Variants in AGO3 observed in about 807,000 individuals in gnomAD.
AGO3 encodes argonaute RISC catalytic component 3.
AGO3 carries 16 observed loss-of-function variants against 105.5 expected under a neutral mutation model. The observed-to-expected ratio is 0.15, with a 90% CI of 0.10 to 0.23. The LOEUF is 0.23. Among genes scored for constraint, AGO3 ranks in the 10% least tolerant of loss-of-function variants. AGO3 has a pLI of 1.00. For synonymous variants in AGO3, 340 were observed against 367.3 expected (o/e 0.93, Z 0.85); for missense variants, 534 against 1,088.0 (o/e 0.49, Z 7.16).
chr1:35,986,448 G>GCC (rs1647182355), intron 5 of AGO3, among the ~76,000 whole-genome samples: 1 of 152,156 alleles, frequency 6.6e-6, no homozygotes, highest in African/African-American at 2.4e-5. Flanking sequence ...CAGCACTTTG[G>GCC]GAGGCAGAGG....
intron 12 of AGO3, among the ~76,000 whole-genome samples, chr1:36,028,058 A>T (rs1641587854): frequency 6.6e-6 from 1 of 151,806 alleles, no homozygotes; most frequent in South Asian, 2.1e-4. Context: ...GTGTGTATGT[A>T]TGGGATAGGA....
intron 3 of AGO3, among the ~76,000 whole-genome samples, chr1:35,967,323 T>G (rs1182438801): frequency 2.0e-5 from 3 of 152,172 alleles, no homozygotes; most frequent in Non-Finnish European, 2.9e-5. Flanking sequence ...ATTTTTTTTC[T>G]TTCTCTCTTG....
intron 2 of AGO3, among the ~76,000 whole-genome samples, chr1:35,960,671 A>G (rs1646656944): frequency 6.6e-6 from 1 of 152,080 alleles, no homozygotes; most frequent in Non-Finnish European, 1.5e-5. Context: ...ATATGAATTA[A>G]TTGTGTCATA....
chr1:36,039,835 G>A lies in AGO3; in HGVS notation c.1888G>A (p.Val630Ile). 6.2e-7 allele frequency: 1 copy of A among 1,613,108 alleles called. No individual in the cohort carries two copies. Among genetic ancestry groups the A allele is most frequent in the Non-Finnish European group, 8.5e-7 (1 of 1,179,592 alleles). ...ACACCCAAGCAGATACTGTGCCACA[G>A]TAAGAGTTCAGAGACCCCGACAGGA... ...DAHPSRYCAT[V>I]RVQRPRQEII... The change falls in exon 15 of 19, where the codon GTA becomes ATA. Residue 630 changes from valine to isoleucine, a missense_variant. This residue lies in a region of AGO3 where 373 missense variants were observed against 854.0 expected (regional missense o/e 0.44). Transcript: ENST00000373191.
upstream of AGO3, chr1:35,930,887 G>T: frequency 4.1e-6 from 1 of 242,552 alleles, no homozygotes; most frequent in Non-Finnish European, 7.8e-6. Flanking sequence ...GAGTAGTCCT[G>T]CCCCTCCGCG....
At position 36,066,526 on chromosome 1, in the gene AGO3, C is replaced by A. The variant is rs1313648733; in HGVS notation, c.*10781C>A. The A allele has an allele frequency of 6.6e-6, 1 of 152,224 alleles. No individual in the cohort carries two copies. The highest frequency in any genetic ancestry group is 2.4e-5 in the African/African-American group (1 of 41,452). The allele number at this position is 152,224 out of a possible 1,614,324, so 9.4% of individuals were successfully genotyped here. A position where few individuals can be genotyped will look rare whatever the true frequency, so the allele number is the denominator to read the frequency against. On this transcript the variant is annotated 3_prime_UTR_variant, in exon 19 of 19. Transcript: ENST00000373191. ...AGTGAGCCGAGATCATGCCACTGCACTCCAGCCTGGGCGACAAGAGTGAAA... is the reference window on the plus strand; with the variant it reads ...AGTGAGCCGAGATCATGCCACTGCAATCCAGCCTGGGCGACAAGAGTGAAA...
At chr1:36,031,815 G>A (rs527468183) in intron 12 of AGO3, among the ~76,000 whole-genome samples, 3 of 151,004 alleles carry the variant, frequency 2.0e-5, no homozygotes, top group African/African-American at 7.3e-5. Context: ...ATATCCTCAA[G>A]GTTCATCCAT....
At position 36,058,096 on chromosome 1, in the gene AGO3, G is replaced by T. The variant is rs920545838; in HGVS notation, c.*2351G>T. The T allele has an allele frequency of 6.6e-6, 1 of 152,142 alleles. No homozygotes were observed. Among genetic ancestry groups the T allele is most frequent in the Non-Finnish European group, 1.5e-5 (1 of 68,020 alleles). The allele number at this position is 152,142 out of a possible 1,614,324, so 9.4% of individuals were successfully genotyped here. A position where few individuals can be genotyped will look rare whatever the true frequency, so the allele number is the denominator to read the frequency against. Reference sequence around the variant, plus strand: ...ATAGCTTAACATATTTAAATTATTTGCAAATAGATTGTGTTTATTGAAGAA... The same window carrying T: ...ATAGCTTAACATATTTAAATTATTTTCAAATAGATTGTGTTTATTGAAGAA... On this transcript the variant is annotated 3_prime_UTR_variant, in exon 19 of 19. Coordinates refer to ENST00000373191, the MANE Select transcript of AGO3 (RefSeq NM_024852.4).
At chr1:35,937,980 CT>C (rs1252491042) in intron 1 of AGO3, among the ~76,000 whole-genome samples, 2,402 of 133,148 alleles carry the variant, frequency 0.018, 30 homozygotes, top group African/African-American at 0.053. Context: ...AAAATGTATT[CT>C]TTTTTTTTTT....
intron 1 of AGO3, among the ~76,000 whole-genome samples, chr1:35,936,255 TA>T (rs748191713): frequency 4.6e-4 from 67 of 144,808 alleles, no homozygotes; most frequent in Admixed American, 2.8e-4. Context: ...AGCCACTGCT[TA>T]AAAAAAAAAA....
In AGO3 at chr1:36,055,633, A is replaced by G; in HGVS notation, c.2475-4A>G. On this transcript the variant is annotated splice_polypyrimidine_tract_variant and splice_region_variant and intron_variant, in intron 18 of 18. Transcript: ENST00000373191. This position sits in a 1 kb window ranked among gnomAD's most constrained non-coding sequence, Gnocchi z 4.4. ...TTTTGTGTTCATTGCCACTTCTCTT[A>G]CAGTGCTGAAGGAAGTCACGTTTCA... 1 of 1,613,772 alleles carries G rather than the reference A, an allele frequency of 6.2e-7. No individual in the cohort carries two copies. Among genetic ancestry groups the G allele is most frequent in the Non-Finnish European group, 8.5e-7 (1 of 1,179,676 alleles).
rs1200055492 is a variant in AGO3 at position 35,976,679 on chromosome 1, T to A, written c.658+3168T>A. On this transcript the variant is annotated intron_variant, in intron 5 of 18. Coordinates refer to ENST00000373191, the MANE Select transcript of AGO3 (RefSeq NM_024852.4). Reference sequence around the variant, plus strand: ...AATTTTGTCAGATGCCTTTTCAGCATCTATGGAGCTGATGATGTGATATTT... The same window carrying A: ...AATTTTGTCAGATGCCTTTTCAGCAACTATGGAGCTGATGATGTGATATTT... Among the ~76,000 whole-genome samples the A allele has an allele frequency of 2.6e-5, 4 of 152,222 alleles. No individual in the cohort carries two copies. The South Asian group carries it at 8.3e-4, about 31-fold the overall frequency.
At position 35,931,321 on chromosome 1, in the gene AGO3, C is replaced by A. The variant is rs1646042229; in HGVS notation, c.-106C>A. ...GCCGTCGCCGCCCCCGCCTCGGGGC[C>A]GAGTGAGAGTGCCCGTCGCGTCGCG... On this transcript the variant is annotated 5_prime_UTR_variant, in exon 1 of 19. Coordinates refer to ENST00000373191, the MANE Select transcript of AGO3 (RefSeq NM_024852.4). The A allele has an allele frequency of 6.3e-6, 7 of 1,102,474 alleles. No individual in the cohort carries two copies. The highest frequency in any genetic ancestry group is 8.4e-5 in the Admixed American group (2 of 23,858). The allele number at this position is 1,102,474 out of a possible 1,614,324, so 68.3% of individuals were successfully genotyped here.
At position 35,993,738 on chromosome 1, in the gene AGO3, C is replaced by CTTTTTTT. The variant is rs141978570; in HGVS notation, c.659-10583_659-10577dup. On this transcript the variant is annotated intron_variant, in intron 5 of 18. Coordinates refer to ENST00000373191, the MANE Select transcript of AGO3 (RefSeq NM_024852.4). ...AGGCTTCCCCAACCACCACCCCCTG[C>CTTTTTTT]TTTTTTTTTTTTTTTTTTTTTTTTT... 2.2e-3 allele frequency among the ~76,000 whole-genome samples: 199 copies of CTTTTTTT among 90,774 alleles called. 3 individuals carry two copies. The highest frequency in any genetic ancestry group is 9.7e-3 in the African/African-American group (193 of 19,844). 59.6% of individuals were successfully genotyped at this position (90,774 alleles called of 152,430 possible).
intron 5 of AGO3, among the ~76,000 whole-genome samples, chr1:35,979,789 C>A (rs1218394395): frequency 6.6e-6 from 1 of 151,928 alleles, no homozygotes; most frequent in African/African-American, 2.4e-5. Flanking sequence ...GCACTTCATG[C>A]TTTTGTGAAC....
At chr1:36,051,051 G>A (rs749349688) in intron 17 of AGO3, among the ~76,000 whole-genome samples, 8 of 152,126 alleles carry the variant, frequency 5.3e-5, no homozygotes, top group Middle Eastern at 3.4e-3. Flanking sequence ...CTGAGTTTAA[G>A]CAGTCCACCT....
chr1:36,020,894 G>A (rs554705503), intron 11 of AGO3, among the ~76,000 whole-genome samples: 1 of 152,028 alleles, frequency 6.6e-6, no homozygotes, highest in African/African-American at 2.4e-5. Context: ...TGGGATTACA[G>A]GGGTGAGCCA....
In AGO3 at chr1:36,066,314, A is replaced by C. The variant is rs999229216; in HGVS notation, c.*10569A>C. ...GGTGGCTCACACCTGTAATCCCAGC[A>C]CTTCGGGAGGCCGAGGCAGGCTGAT... is the stretch of plus-strand genomic sequence containing the variant. On this transcript the variant is annotated 3_prime_UTR_variant, in exon 19 of 19. Transcript: ENST00000373191. 2 of 152,350 alleles carry C rather than the reference A, an allele frequency of 1.3e-5. No homozygotes were observed. Among genetic ancestry groups the C allele is most frequent in the Non-Finnish European group, 2.9e-5 (2 of 68,092 alleles). The allele number at this position is 152,350 out of a possible 1,614,324, so 9.4% of individuals were successfully genotyped here. A position where few individuals can be genotyped will look rare whatever the true frequency, so the allele number is the denominator to read the frequency against.
intron 1 of AGO3, among the ~76,000 whole-genome samples, chr1:35,941,369 G>A (rs1646251628): frequency 1.3e-5 from 2 of 151,816 alleles, no homozygotes; most frequent in Admixed American, 1.3e-4. Context: ...GTACCCTTAT[G>A]TATAATTTTT....
Sources: gnomAD v4.1 joint callset for allele counts (sites outside exome capture counted in the v4.1 genomes callset) on GRCh38, gnomAD v4.1.1 for gene constraint, gnomAD v4.1.1 regional missense constraint, Gnocchi (gnomAD v3.1) non-coding constraint, MANE v1.5 for transcripts, NCBI Gene and HGNC (gene_info 2026-07-23, HGNC 2026-07-21) for gene names.